The following BEND6 variants were observed in gnomAD, a reference collection of about 807,000 sequenced individuals.
The protein encoded by BEND6 is BEN domain containing 6.
In BEND6, 24 loss-of-function variants were observed where a neutral mutation model predicts 31.8. The ratio of observed to expected loss-of-function variants is 0.75; its 90% confidence interval spans 0.55 to 1.06. BEND6 has a LOEUF of 1.06. Ranked by LOEUF, BEND6 falls within the 50% of genes least tolerant of loss-of-function variation. The probability of loss-of-function intolerance (pLI) is 0.00; values close to 1 mark genes in which losing one functional copy is unlikely to be tolerated. For synonymous variants in BEND6, 109 were observed against 114.6 expected (o/e 0.95, Z 0.31); for missense variants, 294 against 327.4 (o/e 0.90, Z 0.79).
chr6:56,961,606 A>G (rs1179508224), intron 1 of BEND6, among the ~76,000 whole-genome samples: 3 of 152,258 alleles, frequency 2.0e-5, no homozygotes, highest in African/African-American at 7.2e-5. Flanking sequence ...GGATAAGCCC[A>G]TTCCAAGCCA....
intron 1 of BEND6, among the ~76,000 whole-genome samples, chr6:56,977,939 A>G (rs979592836): frequency 4.6e-5 from 7 of 152,096 alleles, no homozygotes; most frequent in African/African-American, 1.7e-4. Flanking sequence ...CCTGAGTGAC[A>G]GAGCAAGACC....
At chr6:56,956,915 T>C (rs1825104689) in intron 1 of BEND6, among the ~76,000 whole-genome samples, 1 of 152,182 alleles carries the variant, frequency 6.6e-6, no homozygotes, top group Non-Finnish European at 1.5e-5. Context: ...GGTGGAGTAA[T>C]TTTAAACAAC....
At chr6:56,965,676 T>TTACATA (rs1825450998) in intron 1 of BEND6, among the ~76,000 whole-genome samples, 1 of 136,556 alleles carries the variant, frequency 7.3e-6, no homozygotes, top group South Asian at 2.4e-4. Flanking sequence ...ACAAAAAAAT[T>TTACATA]TATATATATA....
rs866232389 is a variant in BEND6, at chr6:56,983,911, A to G, written c.120+1981A>G. ...ACAATGACAAAGTAAATATCCTTAT[A>G]CATGTCCTTTTAAGAAACTTTGTGA... On this transcript the variant is annotated intron_variant, in intron 2 of 6. Transcript: ENST00000370746. Among the ~76,000 whole-genome samples, 6 of 152,154 alleles carry G rather than the reference A, an allele frequency of 3.9e-5. No individual in the cohort carries two copies. The South Asian group carries it at 1.2e-3, about 32-fold the overall frequency.
At chr6:57,016,899 T>C (rs1349418638) in intron 4 of BEND6, among the ~76,000 whole-genome samples, 3 of 152,132 alleles carry the variant, frequency 2.0e-5, no homozygotes, top group African/African-American at 7.2e-5. Context: ...ACATTTACGA[T>C]GAAGCACTGA....
At chr6:57,019,679 G>C (rs984629393) in intron 6 of BEND6, among the ~76,000 whole-genome samples, 1 of 152,142 alleles carries the variant, frequency 6.6e-6, no homozygotes, top group South Asian at 2.1e-4. Context: ...GCTCTGCCGA[G>C]AGTCAACAAT....
chr6:56,974,692 G>T (rs987914798), intron 1 of BEND6, among the ~76,000 whole-genome samples: 2 of 152,182 alleles, frequency 1.3e-5, no homozygotes, highest in African/African-American at 4.8e-5. Flanking sequence ...CATGCATATT[G>T]TCATGCCATG....
At chr6:56,996,144 T>G (rs981150474) in intron 3 of BEND6, among the ~76,000 whole-genome samples, 1 of 152,150 alleles carries the variant, frequency 6.6e-6, no homozygotes, top group South Asian at 2.1e-4. Context: ...TCCAATAATA[T>G]GGTGTAAATA....
At chr6:57,000,374 A>G (rs899300760) in intron 3 of BEND6, among the ~76,000 whole-genome samples, 2 of 152,108 alleles carry the variant, frequency 1.3e-5, no homozygotes, top group Admixed American at 1.3e-4. Context: ...TGTTAAACAG[A>G]TGCTTGAAGG....
At chr6:56,973,477 A>G (rs539143425) in intron 1 of BEND6, among the ~76,000 whole-genome samples, 2 of 152,308 alleles carry the variant, frequency 1.3e-5, no homozygotes, top group Non-Finnish European at 2.9e-5. Flanking sequence ...TGTTTAATTT[A>G]TTAATTAGGC....
intron 1 of BEND6, among the ~76,000 whole-genome samples, chr6:56,965,928 A>G (rs562160305): frequency 2.0e-5 from 3 of 152,264 alleles, no homozygotes; most frequent in African/African-American, 4.8e-5. Context: ...AGCAAAAAGC[A>G]TAATAATCTC....
At chr6:57,018,198 A>G (rs561625108) in intron 5 of BEND6, among the ~76,000 whole-genome samples, 1 of 152,340 alleles carries the variant, frequency 6.6e-6, no homozygotes, top group South Asian at 2.1e-4. Context: ...AATCACTACC[A>G]TAGGATCTCA....
At position 57,001,134 on chromosome 6, in the gene BEND6, G is replaced by T. The variant is rs185210413; in HGVS notation, c.298+8579G>T. Among the ~76,000 whole-genome samples the T allele has an allele frequency of 4.0e-4, 60 of 149,576 alleles. 1 individual carries two copies. The East Asian group carries it at 8.9e-3, about 22-fold the overall frequency. On this transcript the variant is annotated intron_variant, in intron 3 of 6. Coordinates refer to ENST00000370746, the MANE Select transcript of BEND6 (RefSeq NM_152731.3). Reference sequence around the variant, plus strand: ...GACATAGAGTCACCAGACCCTCCAGGGTCAATGCTAAAGAAAAAGTCTTTT... The same window carrying T: ...GACATAGAGTCACCAGACCCTCCAGTGTCAATGCTAAAGAAAAAGTCTTTT...
intron 1 of BEND6, among the ~76,000 whole-genome samples, chr6:56,979,355 A>G (rs925436250): frequency 6.6e-6 from 1 of 152,226 alleles, no homozygotes; most frequent in African/African-American, 2.4e-5. Context: ...TGCAATAAAC[A>G]TCCTAAAAAT....
rs148689437 is a variant in BEND6 at position 57,015,686 on chromosome 6, T to A, written c.519+333T>A. Among the ~76,000 whole-genome samples the A allele has an allele frequency of 6.3e-3, 943 of 150,746 alleles. 5 individuals carry two copies. The highest frequency in any genetic ancestry group is 9.9e-3 in the Admixed American group (149 of 15,118). On this transcript the variant is annotated intron_variant, in intron 4 of 6. Coordinates refer to ENST00000370746, the MANE Select transcript of BEND6 (RefSeq NM_152731.3). ...CGGACGTGATGACGGGCACCTGTAG[T>A]CCCAGCTACTTGGGAGGCTGAGGCA...
At chr6:56,994,054 GT>G (rs572380089) in intron 3 of BEND6, among the ~76,000 whole-genome samples, 19 of 152,024 alleles carry the variant, frequency 1.2e-4, no homozygotes, top group Non-Finnish European at 2.4e-4. Context: ...CTTTTGACTA[GT>G]TTTTTGTGAT....
intron 2 of BEND6, among the ~76,000 whole-genome samples, chr6:56,986,057 T>C (rs544901894): frequency 4.5e-4 from 69 of 152,352 alleles, no homozygotes; most frequent in African/African-American, 1.6e-3. Flanking sequence ...AGAATTATGG[T>C]ATCAATAGGC....
intron 2 of BEND6, 136 bp from the exon 3 acceptor site, chr6:56,992,242 C>G: frequency 2.1e-6 from 2 of 960,128 alleles, no homozygotes; most frequent in South Asian, 4.9e-5. Context: ...GAGGACAAAG[C>G]TGGGGCTAGA....
At chr6:56,986,983 T>C (rs907770195) in intron 2 of BEND6, among the ~76,000 whole-genome samples, 12 of 149,796 alleles carry the variant, frequency 8.0e-5, no homozygotes, top group African/African-American at 2.9e-4. Context: ...CTTTTTTTTT[T>C]TTTTTTTTTT....
Sources: allele counts gnomAD v4.1 joint callset (sites outside exome capture counted in the v4.1 genomes callset), GRCh38; gene constraint gnomAD v4.1.1; transcripts MANE v1.5; gene names NCBI Gene and HGNC (gene_info 2026-07-23, HGNC 2026-07-21).